Variants in MCM8 observed in about 807,000 individuals in gnomAD.
MCM8 encodes DNA helicase MCM8.
A neutral mutation model predicts 98.9 loss-of-function variants in MCM8; 85 were observed. That is an observed-to-expected ratio of 0.86 (90% CI 0.72 to 1.03). The LOEUF (loss-of-function observed/expected upper bound fraction) is 1.03. MCM8 is among the 50% of genes least tolerant of loss of function. The pLI, the probability that MCM8 is intolerant of heterozygous loss-of-function variation, is 0.00. For missense variants in MCM8, 951 were observed against 997.8 expected (o/e 0.95, Z 0.63); for synonymous variants, 352 against 338.6 (o/e 1.04, Z -0.44).
chr20:5,974,326 C>G (rs1176399872), intron 12 of MCM8, among the ~76,000 whole-genome samples: 1 of 151,464 alleles, frequency 6.6e-6, no homozygotes, highest in African/African-American at 2.4e-5. Flanking sequence ...GGGGTTTTGC[C>G]ATGTTGCCCA....
intron 1 of MCM8, 135 bp from the exon 2 acceptor site, chr20:5,951,876 C>G (rs2088835047): frequency 2.1e-6 from 2 of 940,564 alleles, no homozygotes; most frequent in Non-Finnish European, 3.1e-6. Context: ...TGTATCATAG[C>G]TGTACAACTT....
chr20:5,987,074 A>G (rs1171494438), intron 16 of MCM8, among the ~76,000 whole-genome samples: 1 of 152,062 alleles, frequency 6.6e-6, no homozygotes, highest in Non-Finnish European at 1.5e-5. Flanking sequence ...TGATCCTCCC[A>G]CCTCAGCCTC....
intron 3 of MCM8, among the ~76,000 whole-genome samples, chr20:5,953,502 CT>C (rs1465105306): frequency 6.7e-6 from 1 of 150,134 alleles, no homozygotes; most frequent in Non-Finnish European, 1.5e-5. Flanking sequence ...GAGATGGAGT[CT>C]TGCTCTGTTG....
intron 11 of MCM8, 55 bp downstream of exon 11, chr20:5,972,092 CAT>C: frequency 3.6e-6 from 5 of 1,392,794 alleles, no homozygotes; most frequent in Middle Eastern, 2.0e-4. Flanking sequence ...GCAAAAATAA[CAT>C]ATAAAAACTT....
At chr20:5,994,206 T>C (rs1029631310) in intron 18 of MCM8, 93 bp from the exon 19 acceptor site, 5 of 691,446 alleles carry the variant, frequency 7.2e-6, no homozygotes, top group African/African-American at 1.9e-5. Context: ...CAAGAAACTT[T>C]ACAGGTACAT....
At chr20:5,984,716 A>G in intron 14 of MCM8, 65 bp from the exon 15 acceptor site, 3 of 1,318,676 alleles carry the variant, frequency 2.3e-6, no homozygotes, top group Non-Finnish European at 3.2e-6. Context: ...ATAAGTGAGT[A>G]GACAGTTTTC....
intron 15 of MCM8, 130 bp from the exon 16 acceptor site, chr20:5,985,792 C>A: frequency 1.2e-6 from 1 of 802,810 alleles, no homozygotes; most frequent in Non-Finnish European, 2.0e-6. Context: ...GTGATGTGTC[C>A]TCCTTGGCCT....
At chr20:5,953,460 T>TGTGTGTGTGC (rs1275161154) in intron 3 of MCM8, among the ~76,000 whole-genome samples, 2 of 151,352 alleles carry the variant, frequency 1.3e-5, no homozygotes, top group Non-Finnish European at 2.9e-5. Flanking sequence ...TGTGTGTGTG[T>TGTGTGTGTGC]GTGTGTGTGT....
In MCM8 at chr20:5,984,827, T is replaced by A. The variant is rs757158680; in HGVS notation, c.1780T>A (p.Leu594Ile). 6.2e-7 allele frequency: 1 copy of A among 1,614,090 alleles called. No homozygotes were observed. The highest frequency in any genetic ancestry group is 8.5e-7 in the Non-Finnish European group (1 of 1,179,938). The part of the protein sequence containing the change: ...LSRFDLVFIL[L>I]DTPNEHHDHL... ...CAGATTTGATTTGGTCTTTATCCTG[T>A]TAGATACTCCAAATGAGCATCATGA... The change falls in exon 15 of 19, where the codon TTA becomes ATA. Residue 594 changes from leucine to isoleucine, a missense_variant. Transcript: ENST00000610722.
rs1302344216 is a variant in MCM8, at chr20:5,998,169, GC to G, written c.*3780del. ...TAAACAATGGTATGGATATTGACTA[GC>G]CAAAGAGGTGGATAAATGTAGATAC... is the stretch of plus-strand genomic sequence containing the variant. On this transcript the variant is annotated 3_prime_UTR_variant, in exon 19 of 19. Coordinates refer to ENST00000610722, the MANE Select transcript of MCM8 (RefSeq NM_032485.6). 3.9e-5 allele frequency: 6 copies of G among 152,148 alleles called. No homozygotes were observed. The highest frequency in any genetic ancestry group is 8.8e-5 in the Non-Finnish European group (6 of 68,034). 9.4% of individuals were successfully genotyped at this position (152,148 alleles called of 1,614,324 possible). A position where few individuals can be genotyped will look rare whatever the true frequency, so the allele number is the denominator to read the frequency against.
chr20:5,955,322 T>G, intron 5 of MCM8, 71 bp downstream of exon 5: 2 of 1,412,910 alleles, frequency 1.4e-6, no homozygotes, highest in Non-Finnish European at 1.9e-6. Context: ...ACACCTTGTC[T>G]AAGTTTAAAG....
intron 8 of MCM8, among the ~76,000 whole-genome samples, chr20:5,963,686 C>G (rs969247406): frequency 6.6e-6 from 1 of 151,924 alleles, no homozygotes; most frequent in Non-Finnish European, 1.5e-5. Flanking sequence ...CACCACAATG[C>G]CTGGCTAATT....
intron 17 of MCM8, among the ~76,000 whole-genome samples, chr20:5,988,092 G>A (rs2089768768): frequency 1.3e-5 from 2 of 151,948 alleles, no homozygotes; most frequent in Admixed American, 1.3e-4. Context: ...TATTATTTTG[G>A]GTAGTTTTTT....
Position 5,967,942 on chromosome 20 carries a change from A to C in MCM8, c.1140A>C (p.Gly380=), listed in dbSNP as rs1284144928. The part of the protein sequence containing the change: ...TKSSEDGCKH[G]MLMEFSLKDL... The stretch of plus-strand genomic sequence containing the variant: ...GTTCTGAGGATGGGTGTAAGCATGG[A>C]ATGTTGATGGAGTTCTCACTTAAAG... Residue 380 remains glycine, a synonymous_variant, in exon 10 of 19, where the codon GGA becomes GGC. Coordinates refer to ENST00000610722, the MANE Select transcript of MCM8 (RefSeq NM_032485.6). 5 of 1,614,020 alleles carry C rather than the reference A, an allele frequency of 3.1e-6. No individual in the cohort carries two copies. In the African/African-American group the frequency reaches 5.3e-5, roughly 17 times the overall value.
chr20:5,977,230 A>C (rs749592196), intron 12 of MCM8, among the ~76,000 whole-genome samples: 2 of 152,232 alleles, frequency 1.3e-5, no homozygotes, highest in Non-Finnish European at 2.9e-5. Flanking sequence ...TACATTGGGC[A>C]CTTATGTGCC....
chr20:5,954,637 A>G lies in MCM8; in HGVS notation c.283A>G (p.Lys95Glu). 6.2e-7 allele frequency: 1 copy of G among 1,610,856 alleles called. No individual in the cohort carries two copies. Among genetic ancestry groups the G allele is most frequent in the Non-Finnish European group, 8.5e-7 (1 of 1,177,370 alleles). ...VYSDSSPLIE[K>E]IQAFEKFFTR... ...CAGCGATAGCTCTCCTTTGATTGAG[A>G]AGATTCAAGCATTTGAAAAATTTTT... The change falls in exon 4 of 19, where the codon AAG (lysine) becomes GAG (glutamate). Residue 95 changes from lysine to glutamate, a missense_variant. Transcript: ENST00000610722.
chr20:5,955,047 A>C, intron 4 of MCM8, 55 bp from the exon 5 acceptor site: 1 of 1,239,762 alleles, frequency 8.1e-7, no homozygotes. Context: ...TGCTCAGTTA[A>C]TGGTAATTGA....
At position 5,977,903 on chromosome 20, in the gene MCM8, G is replaced by C; in HGVS notation, c.1423G>C (p.Val475Leu). ...AGCGTGCAATGTTGCCCCACGTGGCGTGTATGTTTGTGGTAACACCACGAC... is the reference window on the plus strand; with the variant it reads ...AGCGTGCAATGTTGCCCCACGTGGCCTGTATGTTTGTGGTAACACCACGAC... ...QAACNVAPRG[V>L]YVCGNTTTTS... Residue 475 changes from valine (V) to leucine (L), a missense_variant, in exon 13 of 19, where the codon GTG (valine) becomes CTG (leucine). Physicochemically the swap from Val to Leu is conservative, Grantham distance 32. Transcript: ENST00000610722. 1 of 1,614,146 alleles carries C rather than the reference G, an allele frequency of 6.2e-7. No individual in the cohort carries two copies. The highest frequency in any genetic ancestry group is 8.5e-7 in the Non-Finnish European group (1 of 1,180,018).
chr20:5,986,067 G>A lies in MCM8; in HGVS notation c.2099G>A (p.Ser700Asn), dbSNP rs981633989. Residue 700 changes from serine (S) to asparagine (N), a missense_variant, in exon 16 of 19, where the codon AGC becomes AAC. By Grantham distance (46) the Ser-to-Asn change is conservative. Coordinates refer to ENST00000610722, the MANE Select transcript of MCM8 (RefSeq NM_032485.6). ...TTTTACCTTGAGCTCCGGAAACAGA[G>A]CCAGAGGTTAAATAGCTCACCAATC... Reference protein sequence around the residue: ...QDFYLELRKQSQRLNSSPITT... With the variant: ...QDFYLELRKQNQRLNSSPITT... The A allele has an allele frequency of 9.3e-6, 15 of 1,614,072 alleles. No homozygotes were observed. In the Admixed American group the frequency reaches 1.0e-4, roughly 11 times the overall value.
Sources: allele counts gnomAD v4.1 joint callset (sites outside exome capture counted in the v4.1 genomes callset), GRCh38; gene constraint gnomAD v4.1.1; transcripts MANE v1.5; gene names NCBI Gene and HGNC (gene_info 2026-07-23, HGNC 2026-07-21).